HTR4: variants seen among roughly 807,000 people sequenced by gnomAD.
The protein encoded by HTR4 is 5-hydroxytryptamine receptor 4.
In HTR4, 16 loss-of-function variants were observed where a neutral mutation model predicts 36.8. The observed-to-expected ratio is 0.43, with a 90% CI of 0.29 to 0.66. The LOEUF is 0.66. Among genes scored for constraint, HTR4 ranks in the 30% least tolerant of loss-of-function variants. HTR4 has a pLI of 0.13. For missense variants in HTR4, 438 were observed against 490.9 expected (o/e 0.89, Z 1.02); for synonymous variants, 189 against 185.1 (o/e 1.02, Z -0.17).
At chr5:148,458,071 T>G (rs866779885) in intron 5 of HTR4, among the ~76,000 whole-genome samples, 1 of 133,752 alleles carries the variant, frequency 7.5e-6, no homozygotes, top group African/African-American at 2.7e-5. Flanking sequence ...AAGATCTATT[T>G]AATAGATCTT....
chr5:148,648,480 G>T (rs1753938607), intron 1 of HTR4, among the ~76,000 whole-genome samples: 3 of 152,154 alleles, frequency 2.0e-5, no homozygotes, highest in Admixed American at 2.0e-4. Context: ...TTGTGTCTGG[G>T]TTGCCCAATG....
chr5:148,550,336 A>G lies in HTR4; in HGVS notation c.27-74T>C, dbSNP rs1046582420. On this transcript the variant is annotated intron_variant, in intron 2 of 6. Coordinates refer to ENST00000377888, the MANE Select transcript of HTR4 (RefSeq NM_000870.7). ...AAGAAGGAAAATTCGTCTTTTCATC[A>G]TTGACCTTCAGAAAGGTAACTTCAC... 4.9e-5 allele frequency: 76 copies of G among 1,563,636 alleles called. No individual in the cohort carries two copies. The African/African-American group carries it at 8.4e-4, about 17-fold the overall frequency.
At chr5:148,460,177 C>A (rs1202765845) in intron 5 of HTR4, among the ~76,000 whole-genome samples, 1 of 150,484 alleles carries the variant, frequency 6.6e-6, no homozygotes, top group African/African-American at 2.4e-5. Flanking sequence ...AAGTGCACCA[C>A]AAGTATACAA....
chr5:148,496,907 A>G (rs1756710032), intron 6 of HTR4, among the ~76,000 whole-genome samples: 1 of 152,206 alleles, frequency 6.6e-6, no homozygotes, highest in Non-Finnish European at 1.5e-5. Flanking sequence ...TCTGCATTAA[A>G]TGCTCAATAC....
intron 1 of HTR4, among the ~76,000 whole-genome samples, chr5:148,653,626 C>T (rs1754103140): frequency 6.6e-6 from 1 of 152,040 alleles, no homozygotes; most frequent in Non-Finnish European, 1.5e-5. Flanking sequence ...CACACACACA[C>T]ACACAGCACA....
At chr5:148,522,541 C>A (rs1758070987) in intron 5 of HTR4, among the ~76,000 whole-genome samples, 1 of 152,170 alleles carries the variant, frequency 6.6e-6, no homozygotes, top group South Asian at 2.1e-4. Flanking sequence ...ATTTAGCATA[C>A]TCTCTGGCAT....
intron 5 of HTR4, among the ~76,000 whole-genome samples, chr5:148,458,604 G>A (rs769277797): frequency 6.6e-6 from 1 of 152,166 alleles, no homozygotes; most frequent in Non-Finnish European, 1.5e-5. Flanking sequence ...GACAGGAGAT[G>A]AGAACTGAAA....
intron 2 of HTR4, among the ~76,000 whole-genome samples, chr5:148,566,777 T>G (rs553292720): frequency 1.3e-5 from 2 of 152,238 alleles, no homozygotes; most frequent in South Asian, 4.2e-4. Flanking sequence ...TACCTAATAT[T>G]TATACGTATG....
intron 2 of HTR4, among the ~76,000 whole-genome samples, chr5:148,567,391 T>G (rs570134868): frequency 4.6e-5 from 7 of 152,272 alleles, no homozygotes; most frequent in African/African-American, 1.7e-4. Context: ...CCTGCCCTTA[T>G]AGTCTATGTG....
chr5:148,544,654 T>C (rs1288510028), intron 4 of HTR4, among the ~76,000 whole-genome samples: 1 of 152,222 alleles, frequency 6.6e-6, no homozygotes, highest in Non-Finnish European at 1.5e-5. Context: ...ACCCATACTA[T>C]ATGGTGCATT....
At chr5:148,535,889 C>T (rs900943755) in intron 4 of HTR4, among the ~76,000 whole-genome samples, 12 of 152,154 alleles carry the variant, frequency 7.9e-5, no homozygotes, top group African/African-American at 2.9e-4. Flanking sequence ...TAGAGAACTC[C>T]TGCAAGATTC....
intron 6 of HTR4, among the ~76,000 whole-genome samples, chr5:148,506,056 G>A (rs549151497): frequency 3.6e-4 from 55 of 152,076 alleles, no homozygotes; most frequent in Middle Eastern, 3.4e-3. Context: ...AAAAGAGCCC[G>A]CATTGCCAAG....
At chr5:148,653,923 A>G in intron 1 of HTR4, 139 bp downstream of exon 1, 1 of 405,646 alleles carries the variant, frequency 2.5e-6, no homozygotes, top group Non-Finnish European at 3.3e-6. Context: ...CCCGAAGCCC[A>G]CCCTGCCGCA....
intron 6 of HTR4, among the ~76,000 whole-genome samples, chr5:148,491,318 AT>A (rs776646068): frequency 4.0e-5 from 6 of 149,666 alleles, no homozygotes; most frequent in Admixed American, 1.3e-4. Context: ...CTACGGCGCT[AT>A]ATATTTTTTT....
In HTR4 at chr5:148,648,710, A is replaced by AAAAAT. The variant is rs538000687; in HGVS notation, c.-48+5351_-48+5352insATTTT. ...GGAAAAATTTACCGCAACCACAAGG[A>AAAAAT]TGAGCCCGTGGCAACTATGCTTCTG... On this transcript the variant is annotated intron_variant, in intron 1 of 6. Transcript: ENST00000377888. Among the ~76,000 whole-genome samples the AAAAAT allele has an allele frequency of 2.6e-3, 393 of 152,334 alleles. 4 individuals are homozygous for AAAAAT. Among genetic ancestry groups the AAAAAT allele is most frequent in the African/African-American group, 9.0e-3 (373 of 41,572 alleles).
intron 2 of HTR4, among the ~76,000 whole-genome samples, chr5:148,561,251 T>A (rs754483077): frequency 6.6e-6 from 1 of 152,108 alleles, no homozygotes; most frequent in Admixed American, 6.6e-5. Flanking sequence ...CCAAAGAGGA[T>A]CTCTCTGTAC....
chr5:148,540,566 T>C (rs1268723522), intron 4 of HTR4, among the ~76,000 whole-genome samples: 1 of 151,282 alleles, frequency 6.6e-6, no homozygotes, highest in Non-Finnish European at 1.5e-5. Flanking sequence ...CAAAAAGTTG[T>C]GTTTCGATGT....
intron 2 of HTR4, among the ~76,000 whole-genome samples, chr5:148,586,324 T>C (rs934112855): frequency 1.4e-4 from 21 of 152,038 alleles, no homozygotes; most frequent in Non-Finnish European, 2.9e-5. Flanking sequence ...TACTTGGCAA[T>C]CTATGTTGAA....
At chr5:148,601,781 A>T (rs964819100) in intron 2 of HTR4, among the ~76,000 whole-genome samples, 1 of 152,146 alleles carries the variant, frequency 6.6e-6, no homozygotes, top group African/African-American at 2.4e-5. Flanking sequence ...GGCCTGGGAG[A>T]CACAGCAAGA....
Sources: gnomAD v4.1 joint callset for allele counts (sites outside exome capture counted in the v4.1 genomes callset) on GRCh38, gnomAD v4.1.1 for gene constraint, MANE v1.5 for transcripts, NCBI Gene and HGNC (gene_info 2026-07-23, HGNC 2026-07-21) for gene names.